Variants in ROBO2 observed in about 807,000 individuals in gnomAD.
ROBO2 encodes roundabout guidance receptor 2, also known as roundabout homolog 2.
ROBO2 carries 53 observed loss-of-function variants against 160.8 expected under a neutral mutation model. That is an observed-to-expected ratio of 0.33 (90% CI 0.26 to 0.41). ROBO2 has a LOEUF of 0.41. Ranked by LOEUF, ROBO2 falls within the 10% of genes least tolerant of loss-of-function variation. The probability of loss-of-function intolerance (pLI) is 1.00; values close to 1 mark genes in which losing one functional copy is unlikely to be tolerated. For synonymous variants in ROBO2, 664 were observed against 611.7 expected, an observed-to-expected ratio of 1.09 and a Z score of -1.26; for missense variants, 1,577 against 1,722.4, an observed-to-expected ratio of 0.92 and a Z score of 1.49.
At chr3:76,378,741 G>A (rs1213782723) in intron 2 of ROBO2, among the ~76,000 whole-genome samples, 5 of 152,100 alleles carry the variant, frequency 3.3e-5, no homozygotes, top group Admixed American at 3.3e-4. Flanking sequence ...TGGTTCCAAG[G>A]AATAAGTAGT....
At chr3:77,461,021 T>A (rs1164941466) in intron 2 of ROBO2, among the ~76,000 whole-genome samples, 5 of 152,202 alleles carry the variant, frequency 3.3e-5, no homozygotes, top group Non-Finnish European at 5.9e-5. Context: ...TATACTTTTG[T>A]ACCATTTTAA....
At chr3:76,632,609 A>G (rs2090091997) in intron 2 of ROBO2, among the ~76,000 whole-genome samples, 1 of 152,238 alleles carries the variant, frequency 6.6e-6, no homozygotes, top group African/African-American at 2.4e-5. Context: ...AAAGATTCAT[A>G]CTGTCACATT....
chr3:76,377,299 C>T (rs183881618), intron 2 of ROBO2, among the ~76,000 whole-genome samples: 1 of 152,092 alleles, frequency 6.6e-6, no homozygotes, highest in Non-Finnish European at 1.5e-5. Flanking sequence ...CTGCATTGCA[C>T]TGTTAATAGG....
chr3:77,297,738 G>A (rs1172236420), intron 2 of ROBO2, among the ~76,000 whole-genome samples: 1 of 152,072 alleles, frequency 6.6e-6, no homozygotes, highest in Non-Finnish European at 1.5e-5. Context: ...TTTTCTAGAC[G>A]CTAGTTAACA....
chr3:77,002,084 A>T lies in ROBO2; in HGVS notation c.110-95930A>T, dbSNP rs910246385. The stretch of plus-strand genomic sequence containing the variant: ...TTGTATTACTAATTATCATGCATGA[A>T]TTTACCTTTTAAAATAAATTTAACC... On this transcript the variant is annotated intron_variant, in intron 2 of 26. Coordinates refer to the ROBO2 transcript ENST00000487694. 4.6e-5 allele frequency among the ~76,000 whole-genome samples: 7 copies of T among 152,116 alleles called. No homozygotes were observed. The East Asian group carries it at 1.3e-3, about 29-fold the overall frequency.
intron 2 of ROBO2, among the ~76,000 whole-genome samples, chr3:77,285,492 T>C (rs2060523883): frequency 6.6e-6 from 1 of 152,182 alleles, no homozygotes; most frequent in Non-Finnish European, 1.5e-5. Flanking sequence ...TGTAAGAAAA[T>C]GGGACTCTCC....
chr3:77,513,289 G>T (rs953828994), intron 5 of ROBO2, among the ~76,000 whole-genome samples: 1 of 151,774 alleles, frequency 6.6e-6, no homozygotes, highest in Non-Finnish European at 1.5e-5. Flanking sequence ...ATCATGAGAA[G>T]TTCCTACCCT....
rs779204556 is a variant in ROBO2 at position 77,607,946 on chromosome 3, A to G, written c.3285A>G (p.Gln1095=). Residue 1095 remains glutamine, a synonymous_variant, in exon 21 of 26, where the codon CAA becomes CAG. Coordinates refer to ENST00000461745, the Ensembl canonical transcript of ROBO2. ...TGGAACACTATGCAGTGGAACAACA[A>G]GAAAATGGGTAAAGATATTTTATAT... 8.1e-6 allele frequency: 13 copies of G among 1,613,788 alleles called. No homozygotes were observed. Among genetic ancestry groups the G allele is most frequent in the African/African-American group, 1.3e-5 (1 of 74,856 alleles).
intron 2 of ROBO2, among the ~76,000 whole-genome samples, chr3:76,224,804 C>G (rs766733588): frequency 1.3e-5 from 2 of 152,154 alleles, no homozygotes; most frequent in Non-Finnish European, 1.5e-5. Context: ...ATCATCAGTA[C>G]AAACACTTCA....
chr3:76,103,841 A>G (rs1299571639), intron 2 of ROBO2, among the ~76,000 whole-genome samples: 2 of 152,138 alleles, frequency 1.3e-5, no homozygotes, highest in Non-Finnish European at 2.9e-5. Context: ...CATTTTGAAG[A>G]TGACTCCTGG....
intron 2 of ROBO2, among the ~76,000 whole-genome samples, chr3:77,000,015 T>C (rs1252203716): frequency 1.3e-5 from 2 of 152,276 alleles, no homozygotes; most frequent in African/African-American, 4.8e-5. Context: ...CTGCACTCTT[T>C]TGCTCCCAAC....
At chr3:76,442,615 C>A (rs1030878102) in intron 2 of ROBO2, among the ~76,000 whole-genome samples, 1 of 152,072 alleles carries the variant, frequency 6.6e-6, no homozygotes, top group Admixed American at 6.6e-5. Flanking sequence ...AAATATTCAG[C>A]GGAAAATTTC....
chr3:77,616,859 C>T (rs536005713), intron 21 of ROBO2, among the ~76,000 whole-genome samples: 1 of 152,078 alleles, frequency 6.6e-6, no homozygotes, highest in South Asian at 2.1e-4. Flanking sequence ...AAGGATAGAT[C>T]TCGTGTTAAA....
intron 2 of ROBO2, among the ~76,000 whole-genome samples, chr3:76,338,502 C>T (rs1372640564): frequency 6.6e-6 from 1 of 151,666 alleles, no homozygotes; most frequent in Non-Finnish European, 1.5e-5. Flanking sequence ...CATAAGAATA[C>T]ACTGACTCTT....
intron 2 of ROBO2, among the ~76,000 whole-genome samples, chr3:77,369,300 A>G (rs2071403515): frequency 6.6e-6 from 1 of 152,160 alleles, no homozygotes; most frequent in Admixed American, 6.5e-5. Context: ...AGGATCATGC[A>G]TCTGTCCCCT....
At chr3:77,631,125 G>A (rs1043513563) in intron 23 of ROBO2, 2 of 151,770 alleles carry the variant, frequency 1.3e-5, no homozygotes, top group East Asian at 3.9e-4. Flanking sequence ...CCTGTGTCAA[G>A]GGAATTTGTT....
At chr3:77,588,276 A>C (rs2153683213) in intron 16 of ROBO2, among the ~76,000 whole-genome samples, 1 of 152,202 alleles carries the variant, frequency 6.6e-6, no homozygotes, top group South Asian at 2.1e-4. Flanking sequence ...GTTCTTTGGT[A>C]GAATATTAAG....
intron 2 of ROBO2, among the ~76,000 whole-genome samples, chr3:76,202,993 A>G (rs1478195806): frequency 6.6e-6 from 1 of 151,188 alleles, no homozygotes; most frequent in East Asian, 1.9e-4. Context: ...ACTGGATCAC[A>G]CTCTTCCCTC....
intron 22 of ROBO2, among the ~76,000 whole-genome samples, chr3:77,618,661 T>A (rs1040189470): frequency 2.2e-4 from 34 of 151,978 alleles, no homozygotes; most frequent in African/African-American, 7.7e-4. Flanking sequence ...GGATAAATAA[T>A]TCTTATTCTC....
Sources: gnomAD v4.1 joint callset for allele counts (sites outside exome capture counted in the v4.1 genomes callset) on GRCh38, gnomAD v4.1.1 for gene constraint, MANE v1.5 for transcripts, NCBI Gene and HGNC (gene_info 2026-07-23, HGNC 2026-07-21) for gene names.